Variants in IMPA2 observed in about 807,000 individuals in gnomAD.
IMPA2 encodes the protein inositol monophosphatase 2, also known as IMP 2.
In IMPA2, 32 loss-of-function variants were observed where a neutral mutation model predicts 35.1. The observed-to-expected ratio is 0.91, with a 90% CI of 0.69 to 1.23. The LOEUF is 1.23. IMPA2 is among the 50% of genes most tolerant of loss of function. IMPA2 has a pLI of 0.00. For missense variants in IMPA2, 334 were observed against 387.6 expected (o/e 0.86, Z 1.16); for synonymous variants, 135 against 160.6 (o/e 0.84, Z 1.20).
chr18:11,987,001 A>G (rs1034251340), intron 1 of IMPA2, among the ~76,000 whole-genome samples: 1 of 152,048 alleles, frequency 6.6e-6, no homozygotes, highest in Admixed American at 6.6e-5. Context: ...GCATTTGTCT[A>G]GTTTTCTGTA....
At chr18:12,005,346 G>A (rs529740241) in intron 2 of IMPA2, among the ~76,000 whole-genome samples, 23 of 152,324 alleles carry the variant, frequency 1.5e-4, no homozygotes, top group Admixed American at 9.8e-4. Context: ...TTAGTCAGGT[G>A]TGGTGATGCA....
At chr18:11,985,168 AAGAG>A (rs1166196779) in intron 1 of IMPA2, among the ~76,000 whole-genome samples, 1 of 148,740 alleles carries the variant, frequency 6.7e-6, no homozygotes, top group Non-Finnish European at 1.5e-5. Flanking sequence ...AAAAAAAAAA[AAGAG>A]AAAATACAAA....
chr18:12,002,280 A>G (rs557846828), intron 2 of IMPA2, among the ~76,000 whole-genome samples: 4 of 152,290 alleles, frequency 2.6e-5, no homozygotes, highest in African/African-American at 9.6e-5. Flanking sequence ...TTTAGGAAAG[A>G]CTTTTATTCT....
Position 12,022,528 on chromosome 18 carries a change from A to AAAATATATATATATATATATATAT in IMPA2, c.491-5514_491-5513insAATATATATATATATATATATATA, listed in dbSNP as rs68185380. On this transcript the variant is annotated intron_variant, in intron 5 of 7. Coordinates refer to ENST00000269159, the MANE Select transcript of IMPA2 (RefSeq NM_014214.3). The stretch of plus-strand genomic sequence containing the variant: ...CAGAATGGGGCTCCATCTCAAAAAG[A>AAAATATATATATATATATATATAT]ATATATATATATATATATATATATA... Among the ~76,000 whole-genome samples, 72 of 96,794 alleles carry AAAATATATATATATATATATATAT rather than the reference A, an allele frequency of 7.4e-4. 5 individuals are homozygous for AAAATATATATATATATATATATAT. Among genetic ancestry groups the AAAATATATATATATATATATATAT allele is most frequent in the African/African-American group, 2.9e-3 (67 of 23,144 alleles). The allele number at this position is 96,794 out of a possible 152,430, so 63.5% of individuals were successfully genotyped here.
chr18:12,003,109 C>A (rs59082529), intron 2 of IMPA2, among the ~76,000 whole-genome samples: 15,424 of 151,746 alleles, frequency 0.1, 1,027 homozygotes, highest in African/African-American at 0.19. Context: ...GCAGGAGAAT[C>A]GCTTGAACCT....
chr18:11,986,246 C>G lies in IMPA2; in HGVS notation c.96+4481C>G, dbSNP rs140476890. 6.2e-4 allele frequency among the ~76,000 whole-genome samples: 94 copies of G among 152,298 alleles called. No homozygotes were observed. The East Asian group carries it at 0.018, about 29-fold the overall frequency. ...CTGTCGTCCCCTTGTCCGGCCAGAT[C>G]TGGTCGCTCTGCTTGGTGTTTGCAA... On this transcript the variant is annotated intron_variant, in intron 1 of 7. Transcript: ENST00000269159.
chr18:12,007,517 A>G (rs932796080), intron 2 of IMPA2, among the ~76,000 whole-genome samples: 1 of 152,198 alleles, frequency 6.6e-6, no homozygotes, highest in African/African-American at 2.4e-5. Flanking sequence ...GCTGATGACC[A>G]CAGTGGATAA....
chr18:11,991,248 G>A lies in IMPA2; in HGVS notation c.97-7806G>A, dbSNP rs1208925061. 6.6e-6 allele frequency among the ~76,000 whole-genome samples: 1 copy of A among 152,190 alleles called. No individual in the cohort carries two copies. Among genetic ancestry groups the A allele is most frequent in the East Asian group, 1.9e-4 (1 of 5,174 alleles). On this transcript the variant is annotated intron_variant, in intron 1 of 7. Transcript: ENST00000269159. This position sits in a 1 kb window ranked among gnomAD's most constrained non-coding sequence, Gnocchi z 4.1. ...ACGGGTGGCTGCTGGCATTGGTATGGAAGGTGCCAGTGCCTTGTCAGGGCG... is the reference window on the plus strand; with the variant it reads ...ACGGGTGGCTGCTGGCATTGGTATGAAAGGTGCCAGTGCCTTGTCAGGGCG...
intron 5 of IMPA2, among the ~76,000 whole-genome samples, chr18:12,016,488 C>A (rs184735186): frequency 1.7e-4 from 25 of 151,120 alleles, no homozygotes; most frequent in Admixed American, 1.6e-3. Flanking sequence ...TGCAGTGGCA[C>A]AATCTTGGCT....
At chr18:11,987,342 A>G (rs989571606) in intron 1 of IMPA2, among the ~76,000 whole-genome samples, 1 of 152,028 alleles carries the variant, frequency 6.6e-6, no homozygotes, top group African/African-American at 2.4e-5. Context: ...ATTTATTTTT[A>G]TTTTTTGAGA....
rs994667716 is a variant in IMPA2, at chr18:11,991,329, G to A, written c.97-7725G>A. Among the ~76,000 whole-genome samples, 6 of 152,176 alleles carry A rather than the reference G, an allele frequency of 3.9e-5. No individual in the cohort carries two copies. The highest frequency in any genetic ancestry group is 9.7e-5 in the African/African-American group (4 of 41,440). ...AAATAGCCACGAGACTAAAGGAGGC[G>A]TTGAGGATTCGAGAGCCTGAGGTGG... On this transcript the variant is annotated intron_variant, in intron 1 of 7. Coordinates refer to ENST00000269159, the MANE Select transcript of IMPA2 (RefSeq NM_014214.3). The surrounding 1 kb of genome is among the most constrained non-coding windows in gnomAD (Gnocchi z 4.1).
chr18:11,985,030 G>T (rs1906623923), intron 1 of IMPA2, among the ~76,000 whole-genome samples: 1 of 149,706 alleles, frequency 6.7e-6, no homozygotes, highest in African/African-American at 2.5e-5. Flanking sequence ...TGTAATCCCT[G>T]CTACTAAGGA....
In IMPA2 at chr18:11,996,964, A is replaced by G. The variant is rs1228065444; in HGVS notation, c.97-2090A>G. Among the ~76,000 whole-genome samples the G allele has an allele frequency of 3.3e-5, 5 of 151,644 alleles. No homozygotes were observed. The East Asian group carries it at 5.8e-4, about 18-fold the overall frequency. ...GATACACACACACCCAGAGATAGACATACAGACACACCCTGCATCCTCTCA... is the reference window on the plus strand; with the variant it reads ...GATACACACACACCCAGAGATAGACGTACAGACACACCCTGCATCCTCTCA... On this transcript the variant is annotated intron_variant, in intron 1 of 7. Coordinates refer to ENST00000269159, the MANE Select transcript of IMPA2 (RefSeq NM_014214.3).
At chr18:11,983,745 CG>C (rs1446660137) in intron 1 of IMPA2, among the ~76,000 whole-genome samples, 1 of 152,048 alleles carries the variant, frequency 6.6e-6, no homozygotes, top group Admixed American at 6.5e-5. Flanking sequence ...TCCTGCCTGC[CG>C]GGCAGTGCTG....
intron 5 of IMPA2, among the ~76,000 whole-genome samples, chr18:12,016,184 C>T (rs1379786313): frequency 1.3e-5 from 2 of 152,224 alleles, no homozygotes; most frequent in Non-Finnish European, 1.5e-5. Flanking sequence ...CTTCTGTTCC[C>T]TACAGTACCT....
chr18:12,005,719 C>G (rs577062678), intron 2 of IMPA2, among the ~76,000 whole-genome samples: 1 of 152,140 alleles, frequency 6.6e-6, no homozygotes, highest in Non-Finnish European at 1.5e-5. Flanking sequence ...CTGGGAGGCA[C>G]GTGGGCATGC....
intron 5 of IMPA2, among the ~76,000 whole-genome samples, chr18:12,024,409 G>C (rs1274979832): frequency 1.3e-5 from 2 of 152,164 alleles, no homozygotes; most frequent in Non-Finnish European, 2.9e-5. Context: ...GCGTGAACCT[G>C]GGAGGCAGAG....
intron 5 of IMPA2, among the ~76,000 whole-genome samples, chr18:12,021,538 C>CT (rs1219254856): frequency 6.7e-5 from 10 of 150,234 alleles, no homozygotes; most frequent in African/African-American, 2.0e-4. Context: ...TTTTCTTTTT[C>CT]TTTTTTTTGA....
chr18:12,016,565 G>A (rs1368138844), intron 5 of IMPA2, among the ~76,000 whole-genome samples: 2 of 151,988 alleles, frequency 1.3e-5, no homozygotes, highest in Non-Finnish European at 2.9e-5. Flanking sequence ...GATTACAGGT[G>A]CGCACCACCA....
Sources: allele counts gnomAD v4.1 joint callset (sites outside exome capture counted in the v4.1 genomes callset), GRCh38; gene constraint gnomAD v4.1.1; non-coding constraint Gnocchi (gnomAD v3.1); transcripts MANE v1.5; gene names NCBI Gene and HGNC (gene_info 2026-07-23, HGNC 2026-07-21).